BMAL1: variants seen among roughly 807,000 people sequenced by gnomAD.
The protein encoded by BMAL1 is basic helix-loop-helix ARNT like 1, also known as basic helix-loop-helix ARNT-like protein 1.
At chr11:13,317,569 G>A in the BMAL1 span, among the ~76,000 whole-genome samples, 18 of 152,338 alleles carry the variant, frequency 1.2e-4, no homozygotes, top group African/African-American at 4.1e-4. Flanking sequence ...TTCATTGACA[G>A]TAAATTGTGG....
the BMAL1 span, chr11:13,366,577 C>T: frequency 8.5e-7 from 1 of 1,180,724 alleles, no homozygotes; most frequent in African/African-American, 1.5e-5. Context: ...AACACAAAGG[C>T]AACATGCAGA....
the BMAL1 span, among the ~76,000 whole-genome samples, chr11:13,339,553 G>A: frequency 6.6e-6 from 1 of 151,968 alleles, no homozygotes; most frequent in Non-Finnish European, 1.5e-5. Context: ...CCTTACTGGG[G>A]TCTGCAGGCC....
chr11:13,378,804 C>CG, the BMAL1 span: 1 of 243,164 alleles, frequency 4.1e-6, no homozygotes, highest in Admixed American at 6.0e-5. Context: ...CTTCTCAGTG[C>CG]GGATAGATGT....
At chr11:13,329,372 T>C in the BMAL1 span, among the ~76,000 whole-genome samples, 1 of 152,234 alleles carries the variant, frequency 6.6e-6, no homozygotes, top group Non-Finnish European at 1.5e-5. Flanking sequence ...CTCTTGTTCA[T>C]TAATGGGCTT....
chr11:13,305,964 G>A, the BMAL1 span, among the ~76,000 whole-genome samples: 6 of 152,218 alleles, frequency 3.9e-5, no homozygotes, highest in African/African-American at 1.4e-4. Flanking sequence ...AAAAGGAAAT[G>A]CAGGAAGCTC....
At chr11:13,288,486 G>C in the BMAL1 span, among the ~76,000 whole-genome samples, 2 of 146,366 alleles carry the variant, frequency 1.4e-5, no homozygotes, top group Non-Finnish European at 3.0e-5. Flanking sequence ...GCTGGAAATA[G>C]GCAAGGCTCT....
At chr11:13,375,473 T>C in the BMAL1 span, 1 of 618,454 alleles carries the variant, frequency 1.6e-6, no homozygotes, top group Non-Finnish European at 2.6e-6. Flanking sequence ...TTCCTGAGTG[T>C]TGACCACTGC....
chr11:13,285,374 C>T, the BMAL1 span, among the ~76,000 whole-genome samples: 22 of 152,108 alleles, frequency 1.4e-4, no homozygotes, highest in African/African-American at 4.8e-4. Flanking sequence ...ACAAGGGGCC[C>T]GCAGGAGGGG....
At chr11:13,323,741 C>T in the BMAL1 span, among the ~76,000 whole-genome samples, 5 of 152,248 alleles carry the variant, frequency 3.3e-5, no homozygotes, top group East Asian at 1.9e-4. Flanking sequence ...CTCAGCCTCC[C>T]GAGTAGCTGG....
chr11:13,301,063 G>A, the BMAL1 span, among the ~76,000 whole-genome samples: 14 of 152,108 alleles, frequency 9.2e-5, no homozygotes, highest in Non-Finnish European at 1.9e-4. Context: ...TCTGCCTCCC[G>A]AGAGGTGGGA....
the BMAL1 span, among the ~76,000 whole-genome samples, chr11:13,309,629 C>T: frequency 6.6e-6 from 1 of 152,046 alleles, no homozygotes; most frequent in African/African-American, 2.4e-5. Context: ...CATCTAAGTG[C>T]CCGTAGTGTT....
At chr11:13,289,996 C>T in the BMAL1 span, among the ~76,000 whole-genome samples, 9,894 of 152,254 alleles carry the variant, frequency 0.065, 1,088 homozygotes, top group African/African-American at 0.23. Context: ...TACACTCCCA[C>T]CAACAGTGTA....
the BMAL1 span, among the ~76,000 whole-genome samples, chr11:13,335,383 C>T: frequency 6.6e-6 from 1 of 152,156 alleles, no homozygotes; most frequent in Non-Finnish European, 1.5e-5. Flanking sequence ...ACCTCTCTGC[C>T]TCTTTTTGTC....
At chr11:13,297,114 A>AAATAAGTTT in the BMAL1 span, among the ~76,000 whole-genome samples, 1 of 152,236 alleles carries the variant, frequency 6.6e-6, no homozygotes, top group Non-Finnish European at 1.5e-5. Context: ...TTTATTAAAA[A>AAATAAGTTT]AATAAGTTTA....
the BMAL1 span, among the ~76,000 whole-genome samples, chr11:13,288,683 T>A: frequency 2.0e-5 from 3 of 152,208 alleles, no homozygotes; most frequent in Admixed American, 2.0e-4. Context: ...AGTGTTCCAG[T>A]TGGATTGGAG....
At chr11:13,364,911 C>T in the BMAL1 span, among the ~76,000 whole-genome samples, 1 of 152,226 alleles carries the variant, frequency 6.6e-6, no homozygotes, top group African/African-American at 2.4e-5. Flanking sequence ...ATTAGAATCA[C>T]ATTAACGTGG....
chr11:13,284,108 GTGTA>G, the BMAL1 span, among the ~76,000 whole-genome samples: 57 of 60,432 alleles, frequency 9.4e-4, 5 homozygotes, highest in Non-Finnish European at 1.5e-3. Context: ...GTGTGTGTGT[GTGTA>G]TATATATGTG....
At chr11:13,377,763 T>C in the BMAL1 span, among the ~76,000 whole-genome samples, 1 of 152,372 alleles carries the variant, frequency 6.6e-6, no homozygotes, top group East Asian at 1.9e-4. Flanking sequence ...GATGAATTCC[T>C]TGGAGGAGTC....
chr11:13,381,281 C>T, the BMAL1 span: 1 of 1,606,646 alleles, frequency 6.2e-7, no homozygotes, highest in Non-Finnish European at 8.5e-7. Context: ...TTAGCCTAAG[C>T]TAGAGAACCT....
Sources: allele counts gnomAD v4.1 joint callset (sites outside exome capture counted in the v4.1 genomes callset), GRCh38; gene constraint gnomAD v4.1.1; transcripts MANE v1.5; gene names NCBI Gene and HGNC (gene_info 2026-07-23, HGNC 2026-07-21).